Variants in OTOGL observed in about 807,000 individuals in gnomAD.
OTOGL encodes otogelin like.
A neutral mutation model predicts 318.5 loss-of-function variants in OTOGL; 285 were observed. The observed-to-expected ratio is 0.89, with a 90% CI of 0.81 to 0.99. OTOGL has a LOEUF of 0.99. OTOGL is among the 50% of genes least tolerant of loss of function. OTOGL has a pLI of 0.00. For missense variants in OTOGL, 2,899 were observed against 2,845.6 expected, an observed-to-expected ratio of 1.02 and a Z score of -0.43; for synonymous variants, 987 against 936.5, an observed-to-expected ratio of 1.05 and a Z score of -0.99.
chr12:80,266,505 AT>A lies in OTOGL; in HGVS notation c.2281del (p.Ser761ProfsTer69). ...LYHHCSSFCL[H>X]SCISLSSPEQ... ...CATCACTGTTCCTCGTTCTGCCTCC[AT>A]TCCTGCATTTCTCTCTCTTCCCCGG... is the stretch of plus-strand genomic sequence containing the variant. On this transcript the variant is annotated frameshift_variant, in exon 21 of 59. Coordinates refer to ENST00000547103, the MANE Select transcript of OTOGL (RefSeq NM_001378609.3). LOFTEE classifies it high-confidence loss of function. 1 of 1,613,606 alleles carries A rather than the reference AT, an allele frequency of 6.2e-7. No individual in the cohort carries two copies. The highest frequency in any genetic ancestry group is 1.1e-5 in the South Asian group (1 of 91,064).
chr12:80,306,857 G>C (rs1452943286), intron 29 of OTOGL, among the ~76,000 whole-genome samples: 1 of 149,840 alleles, frequency 6.7e-6, no homozygotes, highest in African/African-American at 2.5e-5. Flanking sequence ...CTCGCAGAGG[G>C]GGATTTGGCA....
intron 46 of OTOGL, 100 bp downstream of exon 46, chr12:80,353,610 A>G: frequency 2.1e-6 from 2 of 950,904 alleles, no homozygotes; most frequent in African/African-American, 1.7e-5. Flanking sequence ...TTTATCAAAG[A>G]CAGCCTCTGT....
Position 80,258,870 on chromosome 12 carries a change from T to G in OTOGL, c.1889+868T>G, listed in dbSNP as rs367603216. Among the ~76,000 whole-genome samples, 12 of 152,144 alleles carry G rather than the reference T, an allele frequency of 7.9e-5. No homozygotes were observed. The South Asian group carries it at 8.3e-4, about 11-fold the overall frequency. ...GGTACAAAGTTTCAGCTAGACAGGG[T>G]GCATAAGCTTGGGAGATGTTTTGAG... On this transcript the variant is annotated intron_variant, in intron 18 of 58. Transcript: ENST00000547103.
At chr12:80,102,824 G>A (rs536829903) in intron 1 of OTOGL, 10 of 650,726 alleles carry the variant, frequency 1.5e-5, no homozygotes, top group African/African-American at 3.6e-5. Context: ...CTTTACTCTC[G>A]GAGCTCTAGT....
At chr12:80,297,596 G>C (rs1203761704) in intron 27 of OTOGL, among the ~76,000 whole-genome samples, 1 of 152,166 alleles carries the variant, frequency 6.6e-6, no homozygotes, top group Non-Finnish European at 1.5e-5. Flanking sequence ...GCCTCCCAAA[G>C]TGCTGGGATT....
intron 1 of OTOGL, among the ~76,000 whole-genome samples, chr12:80,112,322 A>G (rs1187638559): frequency 2.0e-5 from 3 of 152,206 alleles, no homozygotes; most frequent in Admixed American, 6.5e-5. Context: ...GTCTTGTGCC[A>G]GTTTTCAAAC....
Position 80,353,500 on chromosome 12 carries a change from G to A in OTOGL, c.5583G>A (p.Glu1861=). 1.3e-6 allele frequency: 2 copies of A among 1,564,684 alleles called. No homozygotes were observed. The highest frequency in any genetic ancestry group is 2.5e-5 in the South Asian group (2 of 80,602). Residue 1861 remains glutamate, a synonymous_variant, in exon 46 of 59, where the codon GAG becomes GAA. Transcript: ENST00000547103. ...CACATTCAGCCCAGTGCATTCCAGA[G>A]AAAGAGTGTGGTAAGACACAAAGTA... is the stretch of plus-strand genomic sequence containing the variant. ...HRPHSAQCIP[E]KECACTDSED...
rs746014493 is a variant in OTOGL, at chr12:80,339,272, C to T, written c.5050+8C>T. The T allele has an allele frequency of 2.8e-6, 4 of 1,410,172 alleles. No homozygotes were observed. The highest frequency in any genetic ancestry group is 3.9e-6 in the Non-Finnish European group (4 of 1,037,268). 87.4% of individuals were successfully genotyped at this position (1,410,172 alleles called of 1,614,324 possible). ...ACACAGAAGGACTCTGTGGTGAGCG[C>T]TGCCCTTCAAATCTTGATTTCGTCT... On this transcript the variant is annotated splice_region_variant and intron_variant, in intron 43 of 58. Coordinates refer to ENST00000547103, the MANE Select transcript of OTOGL (RefSeq NM_001378609.3).
At chr12:80,110,962 T>G (rs568335909) in intron 1 of OTOGL, among the ~76,000 whole-genome samples, 1 of 152,248 alleles carries the variant, frequency 6.6e-6, no homozygotes, top group South Asian at 2.1e-4. Context: ...TGAAATGATA[T>G]CTCATTGTGG....
intron 57 of OTOGL, among the ~76,000 whole-genome samples, chr12:80,375,498 T>C (rs1044975104): frequency 7.9e-5 from 12 of 152,064 alleles, no homozygotes; most frequent in Non-Finnish European, 4.4e-5. Context: ...ATGAGTGGTA[T>C]AAAGAAAAAT....
Position 80,323,453 on chromosome 12 carries a change from A to C in OTOGL, c.4082-270A>C. 1.3e-5 allele frequency among the ~76,000 whole-genome samples: 2 copies of C among 152,156 alleles called. 1 individual carries two copies. Among genetic ancestry groups the C allele is most frequent in the East Asian group, 3.9e-4 (2 of 5,188 alleles). ...CACCTGAGGTTAGGAATTCGAGACC[A>C]TTCTGGTCAACAAGGCAAAACCCCG... On this transcript the variant is annotated intron_variant, in intron 34 of 58. Coordinates refer to ENST00000547103, the MANE Select transcript of OTOGL (RefSeq NM_001378609.3).
chr12:80,237,180 C>A (rs1879943624), intron 9 of OTOGL, among the ~76,000 whole-genome samples: 1 of 152,118 alleles, frequency 6.6e-6, no homozygotes, highest in African/African-American at 2.4e-5. Context: ...TGTATTCATT[C>A]ACTTATTTAG....
At chr12:80,175,732 T>C (rs1874484846) in intron 1 of OTOGL, among the ~76,000 whole-genome samples, 1 of 152,184 alleles carries the variant, frequency 6.6e-6, no homozygotes, top group South Asian at 2.1e-4. Flanking sequence ...GGCCTGGTGA[T>C]GAAACCAGTA....
chr12:80,105,735 A>C (rs1869416445), intron 1 of OTOGL, among the ~76,000 whole-genome samples: 1 of 152,128 alleles, frequency 6.6e-6, no homozygotes, highest in Admixed American at 6.5e-5. Flanking sequence ...TTACCCATTC[A>C]GACTTTTTGA....
chr12:80,345,122 G>GTTATATT (rs1889098631), intron 44 of OTOGL, among the ~76,000 whole-genome samples: 1 of 98,228 alleles, frequency 1.0e-5, no homozygotes, highest in Non-Finnish European at 2.0e-5. Flanking sequence ...ATATTATTAT[G>GTTATATT]TTATATATTA....
intron 11 of OTOGL, among the ~76,000 whole-genome samples, chr12:80,248,800 A>G (rs1172054251): frequency 6.6e-6 from 1 of 151,006 alleles, no homozygotes; most frequent in East Asian, 1.9e-4. Context: ...TTTCAGGTAC[A>G]CGAATCAGAT....
chr12:80,339,273 T>C lies in OTOGL; in HGVS notation c.5050+9T>C. ...CACAGAAGGACTCTGTGGTGAGCGC[T>C]GCCCTTCAAATCTTGATTTCGTCTG... On this transcript the variant is annotated intron_variant, in intron 43 of 58. Transcript: ENST00000547103. 3.7e-6 allele frequency: 4 copies of C among 1,083,768 alleles called. No individual in the cohort carries two copies. The highest frequency in any genetic ancestry group is 5.3e-6 in the Non-Finnish European group (4 of 760,342). 67.1% of individuals were successfully genotyped at this position (1,083,768 alleles called of 1,614,324 possible). A position where few individuals can be genotyped will look rare whatever the true frequency, so the allele number is the denominator to read the frequency against.
chr12:80,223,793 T>C (rs1334963129), intron 7 of OTOGL, among the ~76,000 whole-genome samples: 1 of 152,030 alleles, frequency 6.6e-6, no homozygotes, highest in Non-Finnish European at 1.5e-5. Context: ...TTTTTCTTGC[T>C]AATTTGTTTG....
At chr12:80,148,889 T>C (rs1380271249) in intron 1 of OTOGL, among the ~76,000 whole-genome samples, 2 of 152,220 alleles carry the variant, frequency 1.3e-5, no homozygotes, top group African/African-American at 4.8e-5. Context: ...TCTCGAGCCT[T>C]GGTTTTCAGC....
Sources: allele counts gnomAD v4.1 joint callset (sites outside exome capture counted in the v4.1 genomes callset), GRCh38; gene constraint gnomAD v4.1.1; transcripts MANE v1.5; gene names NCBI Gene and HGNC (gene_info 2026-07-23, HGNC 2026-07-21).